SLC7A11: variants seen among roughly 807,000 people sequenced by gnomAD.
SLC7A11 encodes solute carrier family 7 member 11, also known as cystine/glutamate transporter.
Under a neutral mutation model 54.5 loss-of-function variants are expected in SLC7A11, and 35 were observed. The ratio of observed to expected loss-of-function variants is 0.64; its 90% CI spans 0.49 to 0.85. SLC7A11 has a LOEUF of 0.85. SLC7A11 is among the 40% of genes least tolerant of loss of function. The pLI, the probability that SLC7A11 is intolerant of heterozygous loss-of-function variation, is 0.00. For missense variants in SLC7A11, 583 were observed against 618.1 expected (o/e 0.94, Z 0.60); for synonymous variants, 230 against 225.2 (o/e 1.02, Z -0.19).
intron 3 of SLC7A11, among the ~76,000 whole-genome samples, chr4:138,228,019 T>C (rs1398206334): frequency 6.6e-6 from 1 of 152,214 alleles, no homozygotes; most frequent in Non-Finnish European, 1.5e-5. Context: ...AACACAGAAA[T>C]AGTCCTAGAT....
chr4:138,215,001 C>T (rs1447695327), intron 5 of SLC7A11, among the ~76,000 whole-genome samples: 3 of 152,060 alleles, frequency 2.0e-5, no homozygotes, highest in African/African-American at 7.2e-5. Flanking sequence ...GGAGGCATCA[C>T]CCAACTTGAA....
At chr4:138,199,422 T>C (rs1479305561) in intron 6 of SLC7A11, among the ~76,000 whole-genome samples, 1 of 152,128 alleles carries the variant, frequency 6.6e-6, no homozygotes, top group South Asian at 2.1e-4. Context: ...AGAATACATA[T>C]AAATTTTCCT....
chr4:138,224,038 G>A (rs968299641), intron 3 of SLC7A11, among the ~76,000 whole-genome samples: 1 of 152,156 alleles, frequency 6.6e-6, no homozygotes, highest in Non-Finnish European at 1.5e-5. Flanking sequence ...TTCCCAAGCA[G>A]CAATAACTAT....
Position 138,167,398 on chromosome 4 carries a change from C to T in SLC7A11, c.*4558G>A, listed in dbSNP as rs922876889. 7 of 151,690 alleles carry T rather than the reference C, an allele frequency of 4.6e-5. No homozygotes were observed. Among genetic ancestry groups the T allele is most frequent in the Admixed American group, 2.0e-4 (3 of 15,216 alleles). 9.4% of individuals were successfully genotyped at this position (151,690 alleles called of 1,614,324 possible). A position where few individuals can be genotyped will look rare whatever the true frequency, so the allele number is the denominator to read the frequency against. On this transcript the variant is annotated 3_prime_UTR_variant, in exon 12 of 12. Coordinates refer to ENST00000280612, the MANE Select transcript of SLC7A11 (RefSeq NM_014331.4). Reference sequence around the variant, plus strand: ...AACTCCTGACCTCAGGTGATTCGCCCGCCTCAGCCTCCCAAAGTGCTGGGA... The same window carrying T: ...AACTCCTGACCTCAGGTGATTCGCCTGCCTCAGCCTCCCAAAGTGCTGGGA...
At chr4:138,217,972 TA>T in intron 5 of SLC7A11, among the ~76,000 whole-genome samples, 1 of 152,256 alleles carries the variant, frequency 6.6e-6, no homozygotes, top group East Asian at 1.9e-4. Flanking sequence ...ATAATGGTTA[TA>T]AAAATATTCT....
Position 138,206,996 on chromosome 4 carries a change from C to CAAAAA in SLC7A11, c.791+7584_791+7588dup, listed in dbSNP as rs369656942. Among the ~76,000 whole-genome samples the CAAAAA allele has an allele frequency of 5.1e-3, 577 of 113,438 alleles. 14 individuals are homozygous for CAAAAA. The highest frequency in any genetic ancestry group is 0.011 in the East Asian group (41 of 3,576). 74.4% of individuals were successfully genotyped at this position (113,438 alleles called of 152,430 possible). A position where few individuals can be genotyped will look rare whatever the true frequency, so the allele number is the denominator to read the frequency against. On this transcript the variant is annotated intron_variant, in intron 6 of 11. Transcript: ENST00000280612. ...TTTATGTATATTTTCTAAAGAAAAG[C>CAAAAA]AAAAAAAAAAAAAAAACCCCCAGAG... is the stretch of plus-strand genomic sequence containing the variant.
In SLC7A11 at chr4:138,170,517, T is replaced by C. The variant is rs1736400146; in HGVS notation, c.*1439A>G. ...TTTTAGTAGAGATGGGGTTTCTCCA[T>C]GTTGGTCAGGCTGGTCTAGAACTCC... On this transcript the variant is annotated 3_prime_UTR_variant, in exon 12 of 12. Transcript: ENST00000280612. 6.6e-6 allele frequency: 1 copy of C among 151,614 alleles called. No homozygotes were observed. The highest frequency in any genetic ancestry group is 2.1e-4 in the South Asian group (1 of 4,812). The allele number at this position is 151,614 out of a possible 1,614,324, so 9.4% of individuals were successfully genotyped here. A position where few individuals can be genotyped will look rare whatever the true frequency, so the allele number is the denominator to read the frequency against.
intron 3 of SLC7A11, among the ~76,000 whole-genome samples, chr4:138,231,100 A>G (rs189075673): frequency 6.6e-6 from 1 of 152,168 alleles, no homozygotes; most frequent in Non-Finnish European, 1.5e-5. Context: ...GTCAAATACC[A>G]TAGGTTCTCA....
chr4:138,179,922 G>T (rs1736680375), intron 10 of SLC7A11, among the ~76,000 whole-genome samples: 1 of 152,088 alleles, frequency 6.6e-6, no homozygotes, highest in Non-Finnish European at 1.5e-5. Context: ...CCAGCATTAG[G>T]CAATGAATAT....
rs1204831838 is a variant in SLC7A11, at chr4:138,165,371, C to T, written c.*6585G>A. 6.6e-6 allele frequency: 1 copy of T among 152,552 alleles called. No individual in the cohort carries two copies. The highest frequency in any genetic ancestry group is 1.5e-5 in the Non-Finnish European group (1 of 67,984). 9.4% of individuals were successfully genotyped at this position (152,552 alleles called of 1,614,324 possible). Reference sequence around the variant, plus strand: ...GAAAATGAAGACCCAATAAGTTTGCCGAAGTATTCAGTACAAGAGGCCATT... The same window carrying T: ...GAAAATGAAGACCCAATAAGTTTGCTGAAGTATTCAGTACAAGAGGCCATT... On this transcript the variant is annotated 3_prime_UTR_variant, in exon 12 of 12. Transcript: ENST00000280612.
At chr4:138,211,032 T>C (rs377712968) in intron 6 of SLC7A11, among the ~76,000 whole-genome samples, 24 of 152,180 alleles carry the variant, frequency 1.6e-4, no homozygotes, top group African/African-American at 5.8e-4. Context: ...AAAGAAAATG[T>C]GGTACATATA....
At chr4:138,240,288 C>G (rs987330823) in intron 1 of SLC7A11, among the ~76,000 whole-genome samples, 1 of 151,884 alleles carries the variant, frequency 6.6e-6, no homozygotes, top group Non-Finnish European at 1.5e-5. Flanking sequence ...ATTTGAGGAC[C>G]GGGCGCGGTG....
Position 138,171,062 on chromosome 4 carries a change from T to C in SLC7A11, c.*894A>G, listed in dbSNP as rs1165311967. 6.6e-6 allele frequency: 1 copy of C among 152,162 alleles called. No homozygotes were observed. Among genetic ancestry groups the C allele is most frequent in the Admixed American group, 6.5e-5 (1 of 15,272 alleles). 9.4% of individuals were successfully genotyped at this position (152,162 alleles called of 1,614,324 possible). On this transcript the variant is annotated 3_prime_UTR_variant, in exon 12 of 12. Coordinates refer to ENST00000280612, the MANE Select transcript of SLC7A11 (RefSeq NM_014331.4). ...TCTTCTTTGTTGGTGATTTCTCTCA[T>C]GTTGATAATGTAATTTGAAGGCTTA... is the stretch of plus-strand genomic sequence containing the variant.
At chr4:138,172,497 A>G (rs78273376) in intron 11 of SLC7A11, among the ~76,000 whole-genome samples, 1,619 of 152,268 alleles carry the variant, frequency 0.011, 36 homozygotes, top group African/African-American at 0.037. Flanking sequence ...TAATTTGCCT[A>G]ATCAGTAGAA....
chr4:138,220,508 T>C (rs1737786720), intron 4 of SLC7A11, among the ~76,000 whole-genome samples: 1 of 152,146 alleles, frequency 6.6e-6, no homozygotes, highest in Non-Finnish European at 1.5e-5. Flanking sequence ...CTAAAATAAA[T>C]AGGTTTCAAC....
At chr4:138,193,340 A>C (rs1395236314) in intron 6 of SLC7A11, among the ~76,000 whole-genome samples, 2 of 152,180 alleles carry the variant, frequency 1.3e-5, no homozygotes, top group African/African-American at 2.4e-5. Flanking sequence ...GTTCTCACTC[A>C]TTTCAACCAG....
At chr4:138,202,901 T>G (rs971569846) in intron 6 of SLC7A11, among the ~76,000 whole-genome samples, 14 of 152,152 alleles carry the variant, frequency 9.2e-5, no homozygotes, top group Non-Finnish European at 2.9e-5. Flanking sequence ...CCAGGCTGAC[T>G]CATATCCTGC....
rs555027488 is a variant in SLC7A11 at position 138,165,419 on chromosome 4, T to C, written c.*6537A>G. 1.3e-5 allele frequency: 2 copies of C among 152,738 alleles called. No homozygotes were observed. The highest frequency in any genetic ancestry group is 4.8e-5 in the African/African-American group (2 of 41,588). The allele number at this position is 152,738 out of a possible 1,614,324, so 9.5% of individuals were successfully genotyped here. A position where few individuals can be genotyped will look rare whatever the true frequency, so the allele number is the denominator to read the frequency against. ...ATTTGTCTTGCCTTTTTCTGACATG[T>C]GCATACTATAAAATCACAGGTAGCC... On this transcript the variant is annotated 3_prime_UTR_variant, in exon 12 of 12. Transcript: ENST00000280612.
At position 138,198,686 on chromosome 4, in the gene SLC7A11, T is replaced by C. The variant is rs370083433; in HGVS notation, c.792-13442A>G. ...ACACAGCAATTCTCTTCTAGCAATC[T>C]ATTCTAAGAGAATAATTGGATATGT... On this transcript the variant is annotated intron_variant, in intron 6 of 11. Transcript: ENST00000280612. Among the ~76,000 whole-genome samples the C allele has an allele frequency of 7.0e-4, 107 of 152,320 alleles. 1 individual carries two copies. The South Asian group carries it at 0.021, about 29-fold the overall frequency.
Sources: gnomAD v4.1 joint callset for allele counts (sites outside exome capture counted in the v4.1 genomes callset) on GRCh38, gnomAD v4.1.1 for gene constraint, MANE v1.5 for transcripts, NCBI Gene and HGNC (gene_info 2026-07-23, HGNC 2026-07-21) for gene names.